HSPBP1: variants seen among roughly 807,000 people sequenced by gnomAD.
HSPBP1 encodes hsp70-binding protein 1.
In HSPBP1, 31 loss-of-function variants were observed where a neutral mutation model predicts 41.7. That is an observed-to-expected ratio of 0.74 (90% confidence interval 0.56 to 1.00). The LOEUF is 1.00. Among genes scored for constraint, HSPBP1 ranks in the 50% least tolerant of loss-of-function variants. The probability of loss-of-function intolerance (pLI) is 0.00; values close to 1 mark genes in which losing one functional copy is unlikely to be tolerated. For synonymous variants in HSPBP1, 199 were observed against 214.4 expected, an observed-to-expected ratio of 0.93 and a Z score of 0.63; for missense variants, 439 against 487.9, an observed-to-expected ratio of 0.90 and a Z score of 0.94.
chr19:55,273,207 C>A (rs902277228), intron 4 of HSPBP1, among the ~76,000 whole-genome samples: 1 of 152,158 alleles, frequency 6.6e-6, no homozygotes, highest in Non-Finnish European at 1.5e-5. Context: ...CCAGGCTGGT[C>A]TCAAACTCCT....
intron 3 of HSPBP1, among the ~76,000 whole-genome samples, chr19:55,276,712 C>T (rs1040165581): frequency 2.6e-5 from 4 of 152,062 alleles, no homozygotes; most frequent in African/African-American, 7.2e-5. Flanking sequence ...GTTCTCTGCC[C>T]GGATAAGACG....
chr19:55,265,777 C>T lies in HSPBP1; in HGVS notation c.893+109G>A, dbSNP rs558023332. On this transcript the variant is annotated intron_variant, in intron 6 of 7. Coordinates refer to ENST00000433386, the MANE Select transcript of HSPBP1 (RefSeq NM_012267.5). ...TCTGGCCCCACACCCTTCCTCTCTA[C>T]GGGAAGGTCCCAACTCCTGAGTCCC... 7.1e-4 allele frequency: 495 copies of T among 696,818 alleles called. 1 individual carries two copies. Among genetic ancestry groups the T allele is most frequent in the African/African-American group, 2.2e-4 (12 of 55,540 alleles). The allele number at this position is 696,818 out of a possible 1,614,324, so 43.2% of individuals were successfully genotyped here.
intron 4 of HSPBP1, among the ~76,000 whole-genome samples, chr19:55,266,565 TATCACC>T (rs1258943695): frequency 4.8e-4 from 1 of 2,072 alleles, no homozygotes; most frequent in African/African-American, 1.9e-3. Context: ...TCACCATCAC[TATCACC>T]ATCACTATCA....
At chr19:55,277,409 C>T (rs1156630618) in intron 3 of HSPBP1, among the ~76,000 whole-genome samples, 2 of 152,366 alleles carry the variant, frequency 1.3e-5, no homozygotes, top group African/African-American at 4.8e-5. Flanking sequence ...AGTGGACACC[C>T]AGAGGACTAG....
chr19:55,277,679 CA>C lies in HSPBP1; in HGVS notation c.377del (p.Leu126ArgfsTer110). 6.2e-7 allele frequency: 1 copy of C among 1,606,302 alleles called. No homozygotes were observed. The highest frequency in any genetic ancestry group is 8.5e-7 in the Non-Finnish European group (1 of 1,177,404). Reference protein sequence around the residue: ...DQQEREGALELLADLCENMDN... With the variant: ...DQQEREGALEXLADLCENMDN... The stretch of plus-strand genomic sequence containing the variant: ...CCATGTTCTCACACAGGTCGGCCAG[CA>C]GCTCCAGGGCCCCCTCTCGCTCTTG... On this transcript the variant is annotated frameshift_variant, in exon 3 of 8. Coordinates refer to ENST00000433386, the MANE Select transcript of HSPBP1 (RefSeq NM_012267.5). LOFTEE classifies it high-confidence loss of function.
chr19:55,265,335 G>T lies in HSPBP1; in HGVS notation c.948C>A (p.Gly316=). ...GVRECREPEL[G]LEELLRHRCQ... Reference sequence around the variant, plus strand: ...AGCGGTGGCGGAGGAGCTCCTCCAGGCCCAGTTCCGGCTCCCGACACTCGC... The same window carrying T: ...AGCGGTGGCGGAGGAGCTCCTCCAGTCCCAGTTCCGGCTCCCGACACTCGC... Residue 316 remains glycine (G), a synonymous_variant, in exon 7 of 8, where the codon GGC becomes GGA. Transcript: ENST00000433386. 1 of 1,613,120 alleles carries T rather than the reference G, an allele frequency of 6.2e-7. No individual in the cohort carries two copies. The highest frequency in any genetic ancestry group is 8.5e-7 in the Non-Finnish European group (1 of 1,179,786).
intron 2 of HSPBP1, among the ~76,000 whole-genome samples, chr19:55,278,263 G>C (rs2088129653): frequency 6.6e-6 from 1 of 152,132 alleles, no homozygotes; most frequent in African/African-American, 2.4e-5. Flanking sequence ...AAGGAGATGA[G>C]AGCTAATACG....
At position 55,272,896 on chromosome 19, in the gene HSPBP1, G is replaced by A. The variant is rs1454500187; in HGVS notation, c.640+1502C>T. Among the ~76,000 whole-genome samples the A allele has an allele frequency of 2.0e-5, 3 of 152,028 alleles. No homozygotes were observed. The highest frequency in any genetic ancestry group is 4.8e-5 in the African/African-American group (2 of 41,384). On this transcript the variant is annotated intron_variant, in intron 4 of 7. Transcript: ENST00000433386. The surrounding 1 kb of genome is among the most constrained non-coding windows in gnomAD (Gnocchi z 4.2). ...GTTCCAAAATTAGATAGTGACTGCC[G>A]ATAGCCATACCACCCCGAACGCGTC... is the stretch of plus-strand genomic sequence containing the variant.
At chr19:55,274,344 G>GCCCCCCCCCCCC in intron 4 of HSPBP1, 54 bp downstream of exon 4, 1 of 293,906 alleles carries the variant, frequency 3.4e-6, no homozygotes, top group Non-Finnish European at 6.3e-6. Flanking sequence ...GGGCCCACCC[G>GCCCCCCCCCCCC]GCACCCCCCC....
At chr19:55,276,592 TC>T (rs1298351624) in intron 3 of HSPBP1, among the ~76,000 whole-genome samples, 1 of 152,190 alleles carries the variant, frequency 6.6e-6, no homozygotes, top group Non-Finnish European at 1.5e-5. Flanking sequence ...GATTGGACAC[TC>T]AGCACAGTGC....
rs12974813 is a variant in HSPBP1 at position 55,270,997 on chromosome 19, C to T, written c.640+3401G>A. Among the ~76,000 whole-genome samples, 22,878 of 151,164 alleles carry T rather than the reference C, an allele frequency of 0.15. 2,113 individuals are homozygous for T. The highest frequency in any genetic ancestry group is 0.21 in the Middle Eastern group (60 of 292). ...ATACACACCATACACACCCTACACACGCGCCACACACCCACTACACACACA... is the reference window on the plus strand; with the variant it reads ...ATACACACCATACACACCCTACACATGCGCCACACACCCACTACACACACA... On this transcript the variant is annotated intron_variant, in intron 4 of 7. Coordinates refer to ENST00000433386, the MANE Select transcript of HSPBP1 (RefSeq NM_012267.5). The surrounding 1 kb of genome is among the most constrained non-coding windows in gnomAD (Gnocchi z 5.4).
In HSPBP1 at chr19:55,268,397, T is replaced by C. The variant is rs2122830092; in HGVS notation, c.641-2111A>G. ...GTGAGCCGAGATTGCGCCATTACACTCCAGCCTGAGCAAAAAGAGCGAAAC... is the reference window on the plus strand; with the variant it reads ...GTGAGCCGAGATTGCGCCATTACACCCCAGCCTGAGCAAAAAGAGCGAAAC... On this transcript the variant is annotated intron_variant, in intron 4 of 7. Coordinates refer to ENST00000433386, the MANE Select transcript of HSPBP1 (RefSeq NM_012267.5). The surrounding 1 kb of genome is among the most constrained non-coding windows in gnomAD (Gnocchi z 4.5). 6.6e-6 allele frequency among the ~76,000 whole-genome samples: 1 copy of C among 151,974 alleles called. No individual in the cohort carries two copies. Among genetic ancestry groups the C allele is most frequent in the African/African-American group, 2.4e-5 (1 of 41,424 alleles).
At chr19:55,267,996 C>T (rs1480571626) in intron 4 of HSPBP1, among the ~76,000 whole-genome samples, 1 of 152,192 alleles carries the variant, frequency 6.6e-6, no homozygotes, top group African/African-American at 2.4e-5. Flanking sequence ...CCAAGAAGGA[C>T]AGAAGCTGCT....
rs1211070152 is a variant in HSPBP1 at position 55,279,589 on chromosome 19, C to G, written c.20G>C (p.Arg7Thr). MSDEGSRGSRLPLALPP... is the reference protein window; with the variant it reads MSDEGSTGSRLPLALPP... ...CAGCGCCAGGGGCAGGCGGCTCCCC[C>G]TTGAGCCTTCGTCTGACATGGGCCG... The change falls in exon 2 of 8, where the codon AGG (arginine) becomes ACG (threonine). Residue 7 changes from arginine (R) to threonine (T), a missense_variant. Transcript: ENST00000433386. The G allele has an allele frequency of 1.3e-6, 2 of 1,594,306 alleles. No individual in the cohort carries two copies. The highest frequency in any genetic ancestry group is 2.3e-5 in the East Asian group (1 of 43,926).
In HSPBP1 at chr19:55,270,441, T is replaced by C. The variant is rs1327872421; in HGVS notation, c.640+3957A>G. 6.6e-6 allele frequency among the ~76,000 whole-genome samples: 1 copy of C among 152,180 alleles called. No individual in the cohort carries two copies. The highest frequency in any genetic ancestry group is 1.5e-5 in the Non-Finnish European group (1 of 68,024). ...AGACCTTCAGGGAACGAGGCCCGGCTGACGGCTGACCACAACCTCATGCAA... is the reference window on the plus strand; with the variant it reads ...AGACCTTCAGGGAACGAGGCCCGGCCGACGGCTGACCACAACCTCATGCAA... On this transcript the variant is annotated intron_variant, in intron 4 of 7. Transcript: ENST00000433386. This position sits in a 1 kb window ranked among gnomAD's most constrained non-coding sequence, Gnocchi z 5.4.
chr19:55,275,592 C>G (rs1264283797), intron 3 of HSPBP1, among the ~76,000 whole-genome samples: 3 of 151,594 alleles, frequency 2.0e-5, no homozygotes, highest in Non-Finnish European at 4.4e-5. Context: ...GCCAGGAGTT[C>G]GAGACCAGCC....
At chr19:55,279,002 C>G (rs1300703720) in intron 2 of HSPBP1, among the ~76,000 whole-genome samples, 1 of 150,754 alleles carries the variant, frequency 6.6e-6, no homozygotes, top group African/African-American at 2.4e-5. Flanking sequence ...TTCAGAAGCA[C>G]TGTCTGTATG....
At chr19:55,269,821 C>A (rs964888478) in intron 4 of HSPBP1, among the ~76,000 whole-genome samples, 23 of 152,174 alleles carry the variant, frequency 1.5e-4, no homozygotes, top group Non-Finnish European at 3.2e-4. Flanking sequence ...GTACATACAG[C>A]ATCAAGAGTG....
In HSPBP1 at chr19:55,266,264, A is replaced by C. The variant is rs1332715759; in HGVS notation, c.663T>G (p.Ala221=). The change falls in exon 5 of 8, where the codon GCT becomes GCG. Residue 221 remains alanine (A), a synonymous_variant. Coordinates refer to ENST00000433386, the MANE Select transcript of HSPBP1 (RefSeq NM_012267.5). ...AISCLVREQE[A]GLLQFLRLDG... ...CCAGGCGGAGGAACTGCAGCAGCCCAGCCTCCTGCTCTCGGACCAGACCTG... is the reference window on the plus strand; with the variant it reads ...CCAGGCGGAGGAACTGCAGCAGCCCCGCCTCCTGCTCTCGGACCAGACCTG... 2.5e-6 allele frequency: 4 copies of C among 1,581,234 alleles called. No homozygotes were observed. Among genetic ancestry groups the C allele is most frequent in the Non-Finnish European group, 3.4e-6 (4 of 1,164,032 alleles).
Sources: allele counts gnomAD v4.1 joint callset (sites outside exome capture counted in the v4.1 genomes callset), GRCh38; gene constraint gnomAD v4.1.1; non-coding constraint Gnocchi (gnomAD v3.1); transcripts MANE v1.5; gene names NCBI Gene and HGNC (gene_info 2026-07-23, HGNC 2026-07-21).